Variants in TENM1 observed in about 807,000 individuals in gnomAD.
TENM1 encodes teneurin transmembrane protein 1, also known as teneurin-1.
In TENM1, 35 loss-of-function variants were observed where a neutral mutation model predicts 174.8. That is an observed-to-expected ratio of 0.20 (90% confidence interval 0.15 to 0.27). The LOEUF (loss-of-function observed/expected upper bound fraction) is 0.27, where lower values mean the gene tolerates loss of function less well. Among genes scored for constraint, TENM1 ranks in the 10% least tolerant of loss-of-function variants. The pLI is 1.00. For missense variants in TENM1, 1,633 were observed against 2,130.1 expected (o/e 0.77, Z 4.59); for synonymous variants, 781 against 798.7 (o/e 0.98, Z 0.37).
chrX:125,108,457 A>G, the TENM1 span, among the ~76,000 whole-genome samples: 1 of 111,675 alleles, frequency 9.0e-6, no homozygotes, highest in Admixed American at 9.5e-5. Flanking sequence ...ACAGTGGCTC[A>G]TGCCTATAAT....
chrX:124,925,366 C>A (rs1393202205), intron 1 of TENM1, among the ~76,000 whole-genome samples: 2 of 111,073 alleles, frequency 1.8e-5, no homozygotes, highest in African/African-American at 3.3e-5. Flanking sequence ...AAAACATGGA[C>A]TTCTAAACTG....
At chrX:124,738,149 G>T (rs2053719757) in intron 3 of TENM1, among the ~76,000 whole-genome samples, 1 of 111,759 alleles carries the variant, frequency 8.9e-6, no homozygotes, top group Non-Finnish European at 1.9e-5. Flanking sequence ...AAACATAATA[G>T]ATGTCAAGTG....
At chrX:124,797,003 T>C (rs2055319760) in intron 3 of TENM1, among the ~76,000 whole-genome samples, 1 of 111,787 alleles carries the variant, frequency 8.9e-6, no homozygotes, top group South Asian at 3.7e-4. Context: ...TCAATTTATC[T>C]AGGAGTTGAA....
At position 124,632,015 on chromosome X, in the gene TENM1, C is replaced by T. The variant is rs2283763; in HGVS notation, c.2077+9776G>A. On this transcript the variant is annotated intron_variant, in intron 11 of 31. Transcript: ENST00000422452. Reference sequence around the variant, plus strand: ...GCAACCTCTGCCTCCCGGGTTCAAGCAATTCTCCTGCCTCAGCTTCCCGAG... The same window carrying T: ...GCAACCTCTGCCTCCCGGGTTCAAGTAATTCTCCTGCCTCAGCTTCCCGAG... Among the ~76,000 whole-genome samples the T allele has an allele frequency of 2.1e-4, 22 of 103,318 alleles. 1 individual carries two copies. The East Asian group carries it at 6.9e-3, about 33-fold the overall frequency. 89.7% of individuals were successfully genotyped at this position (103,318 alleles called of 115,157 possible).
At chrX:124,379,090 T>C (rs1392529255) in exon 32 of TENM1, 2 of 112,192 alleles carry the variant, frequency 1.8e-5, no homozygotes, top group Non-Finnish European at 3.8e-5. Context: ...ACCAAGGGGC[T>C]TGTTTTACTG....
At chrX:124,714,785 G>C (rs1383004586) in intron 4 of TENM1, among the ~76,000 whole-genome samples, 1 of 111,476 alleles carries the variant, frequency 9.0e-6, no homozygotes, top group Non-Finnish European at 1.9e-5. Context: ...TACATAAATG[G>C]TATAGAAAGA....
At chrX:124,621,033 T>C (rs1447622330) in intron 11 of TENM1, among the ~76,000 whole-genome samples, 2 of 112,107 alleles carry the variant, frequency 1.8e-5, no homozygotes, top group Non-Finnish European at 3.8e-5. Flanking sequence ...ACCTTCACCG[T>C]CAGAGACTGG....
At chrX:124,479,967 A>G (rs58349681) in intron 22 of TENM1, among the ~76,000 whole-genome samples, 11,224 of 111,242 alleles carry the variant, frequency 0.1, 565 homozygotes, top group East Asian at 0.2. Context: ...TTACCATAAT[A>G]CTTGGGGCGG....
chrX:124,592,673 G>A (rs1018490878), intron 11 of TENM1, among the ~76,000 whole-genome samples: 1 of 109,295 alleles, frequency 9.1e-6, no homozygotes, highest in Non-Finnish European at 1.9e-5. Flanking sequence ...GACCTCAGGC[G>A]ATCTGCTCCC....
chrX:124,762,565 G>T (rs1202909779), intron 3 of TENM1, among the ~76,000 whole-genome samples: 1 of 111,072 alleles, frequency 9.0e-6, no homozygotes, highest in African/African-American at 3.3e-5. Flanking sequence ...AATAGAACAG[G>T]TCAGGTCTCA....
At chrX:124,542,528 G>A (rs908804094) in intron 15 of TENM1, among the ~76,000 whole-genome samples, 3 of 110,544 alleles carry the variant, frequency 2.7e-5, no homozygotes, top group African/African-American at 9.9e-5. Flanking sequence ...TTCCACCAGA[G>A]TGGGCAGAAG....
At chrX:125,165,813 T>G in the TENM1 span, among the ~76,000 whole-genome samples, 1 of 111,686 alleles carries the variant, frequency 9.0e-6, no homozygotes, top group Admixed American at 9.6e-5. Context: ...GCCATCATGG[T>G]TGGCCTGAGT....
At chrX:124,974,250 T>A in the TENM1 span, among the ~76,000 whole-genome samples, 2 of 111,819 alleles carry the variant, frequency 1.8e-5, no homozygotes, top group Non-Finnish European at 3.8e-5. Context: ...TCATTTCCTA[T>A]TCATCTGTTG....
intron 4 of TENM1, among the ~76,000 whole-genome samples, chrX:124,728,572 A>G (rs2053494310): frequency 9.0e-6 from 1 of 111,158 alleles, no homozygotes; most frequent in African/African-American, 3.3e-5. Flanking sequence ...TTCTCAGGGA[A>G]ATTTCGACTT....
chrX:124,772,522 C>G (rs762924593), intron 3 of TENM1, among the ~76,000 whole-genome samples: 112 of 111,836 alleles, frequency 1.0e-3, no homozygotes, highest in Admixed American at 3.8e-4. Context: ...AATTATGAGA[C>G]TTTTCTATAT....
At chrX:124,747,350 T>C (rs1477259519) in intron 3 of TENM1, among the ~76,000 whole-genome samples, 1 of 106,564 alleles carries the variant, frequency 9.4e-6, no homozygotes, top group African/African-American at 3.5e-5. Flanking sequence ...AGAGTCAGCT[T>C]GCATAAACAG....
chrX:124,653,927 G>A, intron 6 of TENM1, 144 bp from the exon 10 acceptor site: 2 of 499,659 alleles, frequency 4.0e-6, no homozygotes, highest in Non-Finnish European at 6.5e-6. Flanking sequence ...TCAAGGCCTT[G>A]CCCAAATTAA....
chrX:125,141,472 T>G, the TENM1 span, among the ~76,000 whole-genome samples: 3 of 111,825 alleles, frequency 2.7e-5, no homozygotes, highest in Admixed American at 2.9e-4. Flanking sequence ...GTGAGGTACC[T>G]CTATATTCTT....
chrX:125,024,746 T>A, the TENM1 span, among the ~76,000 whole-genome samples: 2 of 111,739 alleles, frequency 1.8e-5, no homozygotes, highest in African/African-American at 6.5e-5. Flanking sequence ...ACCTCCCAAA[T>A]CTTTAAAAAT....
Sources: allele counts gnomAD v4.1 joint callset (sites outside exome capture counted in the v4.1 genomes callset), GRCh38; gene constraint gnomAD v4.1.1; transcripts MANE v1.5; gene names NCBI Gene and HGNC (gene_info 2026-07-23, HGNC 2026-07-21).